The following MYOM2 variants were observed in gnomAD, a reference collection of about 807,000 sequenced individuals.
The protein encoded by MYOM2 is myomesin 2.
In MYOM2, 254 loss-of-function variants were observed where a neutral mutation model predicts 187.6. That is an observed-to-expected ratio of 1.35 (90% CI 1.22 to 1.50). The LOEUF (loss-of-function observed/expected upper bound fraction) is 1.50, where lower values mean the gene tolerates loss of function less well. Ranked by LOEUF, MYOM2 falls within the 40% of genes most tolerant of loss-of-function variation. The pLI, the probability that MYOM2 is intolerant of heterozygous loss-of-function variation, is 0.00. For missense variants in MYOM2, 2,796 were observed against 1,924.0 expected, an observed-to-expected ratio of 1.45 and a Z score of -8.48; for synonymous variants, 981 against 753.8, an observed-to-expected ratio of 1.30 and a Z score of -4.94.
At chr8:2,052,608 G>T (rs1004406828) in intron 3 of MYOM2, among the ~76,000 whole-genome samples, 1 of 152,180 alleles carries the variant, frequency 6.6e-6, no homozygotes, top group Non-Finnish European at 1.5e-5. Context: ...CATGTCTCAC[G>T]CATGTCCCAG....
At chr8:2,080,392 C>T (rs1299977887) in intron 13 of MYOM2, among the ~76,000 whole-genome samples, 1 of 152,220 alleles carries the variant, frequency 6.6e-6, no homozygotes, top group African/African-American at 2.4e-5. Flanking sequence ...CTAGTATCCA[C>T]ACATTGCATG....
chr8:2,062,886 A>G (rs1382044313), intron 6 of MYOM2, among the ~76,000 whole-genome samples: 3 of 152,240 alleles, frequency 2.0e-5, no homozygotes, highest in Non-Finnish European at 2.9e-5. Context: ...CGTTGCGTTG[A>G]CATCGGTGTT....
chr8:2,072,316 C>T, intron 8 of MYOM2, 29 bp from the exon 9 acceptor site: 1 of 1,597,244 alleles, frequency 6.3e-7, no homozygotes, highest in Non-Finnish European at 8.5e-7. Context: ...TGCCCTTCGG[C>T]CCTGAAAGCC....
chr8:2,094,605 C>T (rs979368689), intron 17 of MYOM2, among the ~76,000 whole-genome samples: 3 of 152,164 alleles, frequency 2.0e-5, no homozygotes, highest in East Asian at 1.9e-4. Context: ...GAGCCAAGAT[C>T]GTGCCACTGT....
chr8:2,086,756 A>G lies in MYOM2; in HGVS notation c.1644+1366A>G, dbSNP rs567236562. ...TTCTTCACTGCCGTGTGGAGGACTG[A>G]GCTTGAGGGTTCTAGCGTCTCCTTC... On this transcript the variant is annotated intron_variant, in intron 14 of 36. Transcript: ENST00000262113. Among the ~76,000 whole-genome samples the G allele has an allele frequency of 2.0e-5, 3 of 152,168 alleles. No individual in the cohort carries two copies. The South Asian group carries it at 6.2e-4, about 32-fold the overall frequency.
intron 27 of MYOM2, among the ~76,000 whole-genome samples, 189 bp downstream of exon 27, chr8:2,116,464 C>T (rs1000468433): frequency 3.9e-5 from 6 of 152,120 alleles, no homozygotes; most frequent in East Asian, 1.9e-4. Flanking sequence ...AAGAGGAAAG[C>T]GTGCCTCTAG....
At chr8:2,117,040 GGGGTGATC>G (rs1309515342) in intron 27 of MYOM2, among the ~76,000 whole-genome samples, 1 of 152,260 alleles carries the variant, frequency 6.6e-6, no homozygotes, top group Non-Finnish European at 1.5e-5. Context: ...TGGGATTACA[GGGGTGATC>G]CACTGCGCCC....
chr8:2,099,616 C>G (rs556041938), intron 19 of MYOM2, among the ~76,000 whole-genome samples: 30 of 152,276 alleles, frequency 2.0e-4, no homozygotes, highest in African/African-American at 5.3e-4. Flanking sequence ...GATGAGGTCT[C>G]TCTATGTTGC....
At chr8:2,124,324 G>A (rs539210648) in intron 31 of MYOM2, 107 bp downstream of exon 31, 45 of 1,138,880 alleles carry the variant, frequency 4.0e-5, no homozygotes, top group East Asian at 2.0e-4. Flanking sequence ...GCTGTGGTGC[G>A]TGTTCTGTGG....
rs377671524 is a variant in MYOM2 at position 2,109,442 on chromosome 8, C to T, written c.3091C>T (p.Arg1031Trp). ...ELAYEIFDKG[R>W]VRFWLQAEHL... is the part of the protein sequence containing the mutation. ...AGCTTATGAGATTTTTGATAAGGGG[C>T]GGGTTCGCTTCTGGCTCCAGGCTGA... Residue 1031 changes from arginine to tryptophan, a missense_variant, in exon 25 of 37, where the codon CGG becomes TGG. Transcript: ENST00000262113. 33 of 1,612,424 alleles carry T rather than the reference C, an allele frequency of 2.0e-5. No individual in the cohort carries two copies. The highest frequency in any genetic ancestry group is 6.6e-5 in the South Asian group (6 of 90,898).
At chr8:2,085,450 A>G in intron 14 of MYOM2, 60 bp downstream of exon 14, 2 of 1,580,888 alleles carry the variant, frequency 1.3e-6, no homozygotes, top group Non-Finnish European at 1.7e-6. Flanking sequence ...CACTGTCATG[A>G]TCTCTGCGTG....
At chr8:2,120,378 A>T (rs1194081026) in intron 28 of MYOM2, among the ~76,000 whole-genome samples, 5 of 151,774 alleles carry the variant, frequency 3.3e-5, no homozygotes, top group Admixed American at 1.3e-4. Context: ...CTCAGCGGGG[A>T]CACTGGGGTG....
intron 8 of MYOM2, among the ~76,000 whole-genome samples, chr8:2,071,816 C>T (rs1012670517): frequency 3.9e-5 from 6 of 152,162 alleles, no homozygotes; most frequent in Admixed American, 1.3e-4. Context: ...AGCCTCCTCC[C>T]GGGTTGCTGA....
chr8:2,127,721 GCCGCAGGCAGGCAGTACC>G (rs2116875265), intron 31 of MYOM2: 1 of 100,466 alleles, frequency 1.0e-5, no homozygotes, highest in Non-Finnish European at 2.1e-5. Flanking sequence ...CGGTGACGCA[GCCGCAGGCAGGCAGTACC>G]TCGGCGTGAC....
chr8:2,083,706 T>A lies in MYOM2; in HGVS notation c.1517-1557T>A, dbSNP rs3779848. On this transcript the variant is annotated intron_variant, in intron 13 of 36. Transcript: ENST00000262113. The stretch of plus-strand genomic sequence containing the variant: ...CCCTCTCCCTGGCTCGAGGGACCCT[T>A]TTGAACCCTTTTCTCCTCTCTCCAT... Among the ~76,000 whole-genome samples the A allele has an allele frequency of 9.7e-4, 147 of 152,304 alleles. 3 individuals are homozygous for A. In the East Asian group the frequency reaches 0.028, roughly 29 times the overall value.
chr8:2,096,147 C>G, intron 17 of MYOM2, 100 bp from the exon 18 acceptor site: 2 of 1,150,476 alleles, frequency 1.7e-6, no homozygotes, highest in Non-Finnish European at 2.5e-6. Flanking sequence ...CCCGTCTCCA[C>G]GTTGCTTCCT....
chr8:2,137,979 A>G (rs1228552255), intron 32 of MYOM2, among the ~76,000 whole-genome samples: 1 of 152,110 alleles, frequency 6.6e-6, no homozygotes, highest in Non-Finnish European at 1.5e-5. Flanking sequence ...ACTGCCTGGT[A>G]TATGTTCTGT....
chr8:2,079,434 C>G, intron 12 of MYOM2, 126 bp from the exon 13 acceptor site: 1 of 882,934 alleles, frequency 1.1e-6, no homozygotes, highest in Non-Finnish European at 1.9e-6. Context: ...GCTCTGATGC[C>G]CCCAGAGGAC....
At chr8:2,057,292 G>C in intron 3 of MYOM2, 56 bp from the exon 4 acceptor site, 2 of 1,557,104 alleles carry the variant, frequency 1.3e-6, no homozygotes, top group Non-Finnish European at 1.7e-6. Flanking sequence ...GCCTTCGGGG[G>C]CCACGTGGTT....
Sources: allele counts gnomAD v4.1 joint callset (sites outside exome capture counted in the v4.1 genomes callset), GRCh38; gene constraint gnomAD v4.1.1; transcripts MANE v1.5; gene names NCBI Gene and HGNC (gene_info 2026-07-23, HGNC 2026-07-21).